The following NAV2 variants were observed in gnomAD, a reference collection of about 807,000 sequenced individuals.
The protein encoded by NAV2 is neuron navigator 2.
Under a neutral mutation model 223.2 loss-of-function variants are expected in NAV2, and 54 were observed. The ratio of observed to expected loss-of-function variants is 0.24; its 90% CI spans 0.19 to 0.30. The LOEUF (loss-of-function observed/expected upper bound fraction) is 0.30, where lower values mean the gene tolerates loss of function less well. Among genes scored for constraint, NAV2 ranks in the 10% least tolerant of loss-of-function variants. The probability of loss-of-function intolerance (pLI) is 1.00; values close to 1 mark genes in which losing one functional copy is unlikely to be tolerated. For synonymous variants in NAV2, 1,279 were observed against 1,239.3 expected (o/e 1.03, Z -0.67); for missense variants, 2,806 against 3,147.5 (o/e 0.89, Z 2.60).
rs2050062344 is a variant in NAV2, at chr11:19,713,998, A to AGGAT, written c.267+42_267+45dup. 6.2e-7 allele frequency: 1 copy of AGGAT among 1,608,142 alleles called. No homozygotes were observed. Among genetic ancestry groups the AGGAT allele is most frequent in the African/African-American group, 1.3e-5 (1 of 74,762 alleles). On this transcript the variant is annotated intron_variant, in intron 1 of 37. Coordinates refer to ENST00000349880, the MANE Select transcript of NAV2 (RefSeq NM_145117.5). This position sits in a 1 kb window ranked among gnomAD's most constrained non-coding sequence, Gnocchi z 7.2. Reference sequence around the variant, plus strand: ...CCGTTTGCCGGGGTACTGTTCTGGAAGGATGGATGAATAGTTCTTTCGGGA... The same window carrying AGGAT: ...CCGTTTGCCGGGGTACTGTTCTGGAAGGATGGATGGATGAATAGTTCTTTCGGGA...
At chr11:19,977,652 C>G (rs2049881998) in intron 10 of NAV2, among the ~76,000 whole-genome samples, 1 of 152,094 alleles carries the variant, frequency 6.6e-6, no homozygotes, top group Admixed American at 6.5e-5. Context: ...TAAGTATTCA[C>G]TAAATTTTAG....
chr11:20,089,944 G>A lies in NAV2; in HGVS notation c.5499-921G>A, dbSNP rs181401473. Among the ~76,000 whole-genome samples the A allele has an allele frequency of 1.7e-3, 266 of 152,244 alleles. 1 individual carries two copies. Among genetic ancestry groups the A allele is most frequent in the Middle Eastern group, 6.8e-3 (2 of 294 alleles). ...AAAGAAGATAATTAGCCAGGCTGTT[G>A]CAGAGTTTTCAGATACAACTTTGGC... On this transcript the variant is annotated intron_variant, in intron 26 of 37. Transcript: ENST00000349880.
At chr11:19,366,411 C>T (rs764724306) in intron 1 of NAV2, among the ~76,000 whole-genome samples, 2 of 152,194 alleles carry the variant, frequency 1.3e-5, no homozygotes, top group Non-Finnish European at 2.9e-5. Flanking sequence ...TTCCTGCTTG[C>T]TTCTTCTAGC....
Position 19,397,416 on chromosome 11 carries a change from T to TGC in NAV2, c.75+46390_75+46391insCG, listed in dbSNP as rs1849498851. ...TGGGGAGTGTGTGTGTGTGTGTGTGTGTGCGCGCATGTGTGTGTAGGGAAT... is the reference window on the plus strand; with the variant it reads ...TGGGGAGTGTGTGTGTGTGTGTGTGTGCGTGCGCGCATGTGTGTGTAGGGAAT... On this transcript the variant is annotated intron_variant, in intron 1 of 37. Transcript: ENST00000360655. Among the ~76,000 whole-genome samples the TGC allele has an allele frequency of 4.2e-5, 6 of 143,636 alleles. No homozygotes were observed. The East Asian group carries it at 1.0e-3, about 25-fold the overall frequency. The allele number at this position is 143,636 out of a possible 152,430, so 94.2% of individuals were successfully genotyped here.
At chr11:19,882,847 A>C (rs1483968593) in intron 5 of NAV2, among the ~76,000 whole-genome samples, 1 of 152,092 alleles carries the variant, frequency 6.6e-6, no homozygotes, top group Admixed American at 6.5e-5. Context: ...TCATCCCTTC[A>C]TCTTGCCCAG....
At chr11:19,737,946 C>T (rs1307751369) in intron 1 of NAV2, among the ~76,000 whole-genome samples, 1 of 152,234 alleles carries the variant, frequency 6.6e-6, no homozygotes, top group South Asian at 2.1e-4. Flanking sequence ...ACTGTCTCAG[C>T]AGCTCTTAGA....
chr11:19,838,159 A>G (rs952561857), intron 2 of NAV2, among the ~76,000 whole-genome samples: 2 of 152,210 alleles, frequency 1.3e-5, no homozygotes, highest in Non-Finnish European at 2.9e-5. Context: ...AAAAGAAAAC[A>G]TATCTAAATG....
chr11:19,674,709 G>A (rs527258809), intron 1 of NAV2, among the ~76,000 whole-genome samples: 35 of 152,274 alleles, frequency 2.3e-4, no homozygotes, highest in African/African-American at 7.7e-4. Flanking sequence ...GGAACATAAG[G>A]TTTTCCACCT....
intron 1 of NAV2, among the ~76,000 whole-genome samples, chr11:19,814,354 T>G (rs1811449): frequency 0.51 from 76,984 of 151,962 alleles, 21,059 homozygotes; most frequent in Middle Eastern, 0.63. Context: ...GTGAGACCCA[T>G]GGATGTCCCG....
At chr11:19,600,790 T>A (rs2046331433) in intron 1 of NAV2, among the ~76,000 whole-genome samples, 1 of 152,200 alleles carries the variant, frequency 6.6e-6, no homozygotes, top group African/African-American at 2.4e-5. Flanking sequence ...CAATAAACAC[T>A]AGCTGGTGTT....
At chr11:19,729,005 C>T (rs988623492) in intron 1 of NAV2, among the ~76,000 whole-genome samples, 10 of 152,142 alleles carry the variant, frequency 6.6e-5, no homozygotes, top group Non-Finnish European at 1.5e-4. Flanking sequence ...CTCAGGATTA[C>T]CCAGGGAGCT....
intron 11 of NAV2, among the ~76,000 whole-genome samples, chr11:20,016,836 TAC>T (rs1395111415): frequency 1.0e-4 from 1 of 9,560 alleles, no homozygotes; most frequent in African/African-American, 2.4e-4. Flanking sequence ...TCTACTAAAA[TAC>T]AAAAAAAAAA....
chr11:19,396,808 A>G (rs11025117), intron 1 of NAV2, among the ~76,000 whole-genome samples: 1 of 152,000 alleles, frequency 6.6e-6, no homozygotes. Flanking sequence ...TCCCACAGAG[A>G]TCTCTAGTAA....
intron 1 of NAV2, among the ~76,000 whole-genome samples, chr11:19,394,814 G>A (rs188076444): frequency 4.2e-4 from 64 of 152,254 alleles, no homozygotes; most frequent in Admixed American, 9.2e-4. Flanking sequence ...CAAATGTGGC[G>A]GGGATTGAGG....
chr11:19,759,018 G>C (rs1425574080), intron 1 of NAV2, among the ~76,000 whole-genome samples: 1 of 150,982 alleles, frequency 6.6e-6, no homozygotes, highest in Non-Finnish European at 1.5e-5. Flanking sequence ...ACCAACTTCT[G>C]TCTTGAGAGA....
At chr11:20,058,984 G>C (rs2058534282) in intron 19 of NAV2, among the ~76,000 whole-genome samples, 1 of 151,988 alleles carries the variant, frequency 6.6e-6, no homozygotes, top group African/African-American at 2.4e-5. Context: ...GTGACTTGAA[G>C]ACTTTATGCA....
intron 10 of NAV2, among the ~76,000 whole-genome samples, chr11:19,978,052 T>C (rs1257053144): frequency 2.6e-5 from 4 of 151,824 alleles, no homozygotes; most frequent in African/African-American, 7.3e-5. Context: ...CTCAAGCTCC[T>C]GACCTCTGGT....
At chr11:19,937,696 T>C (rs1250271125) in intron 7 of NAV2, among the ~76,000 whole-genome samples, 1 of 152,244 alleles carries the variant, frequency 6.6e-6, no homozygotes, top group East Asian at 1.9e-4. Context: ...AAGTCTAATG[T>C]TCCTTCTAGT....
chr11:19,425,443 T>C (rs963152013), intron 1 of NAV2, among the ~76,000 whole-genome samples: 4 of 152,238 alleles, frequency 2.6e-5, no homozygotes, highest in African/African-American at 9.6e-5. Context: ...TGCTAGTCTC[T>C]CTTTCATTCC....
Sources: allele counts gnomAD v4.1 joint callset (sites outside exome capture counted in the v4.1 genomes callset), GRCh38; gene constraint gnomAD v4.1.1; non-coding constraint Gnocchi (gnomAD v3.1); transcripts MANE v1.5; gene names NCBI Gene and HGNC (gene_info 2026-07-23, HGNC 2026-07-21).